The following CHL1 variants were observed in gnomAD, a reference collection of about 807,000 sequenced individuals.
CHL1 encodes neural cell adhesion molecule L1-like protein.
A neutral mutation model predicts 141.9 loss-of-function variants in CHL1; 96 were observed. That is an observed-to-expected ratio of 0.68 (90% CI 0.57 to 0.80). The LOEUF is 0.80. CHL1 is among the 30% of genes least tolerant of loss of function. The pLI, the probability that CHL1 is intolerant of heterozygous loss-of-function variation, is 0.00. For missense variants in CHL1, 1,820 were observed against 1,457.2 expected (o/e 1.25, Z -4.05); for synonymous variants, 613 against 502.2 (o/e 1.22, Z -2.95).
At chr3:362,456 T>C (rs1363703583) in intron 13 of CHL1, among the ~76,000 whole-genome samples, 2 of 152,148 alleles carry the variant, frequency 1.3e-5, no homozygotes, top group Admixed American at 6.6e-5. Context: ...CGTGGGTTTT[T>C]TGCATTATTG....
At chr3:242,386 G>T (rs1234510886) in intron 1 of CHL1, among the ~76,000 whole-genome samples, 2 of 142,404 alleles carry the variant, frequency 1.4e-5, no homozygotes, top group Non-Finnish European at 3.1e-5. Context: ...CACGAGGTCA[G>T]GAGATCGAGA....
intron 1 of CHL1, among the ~76,000 whole-genome samples, chr3:239,963 A>G (rs1692396788): frequency 1.3e-5 from 2 of 152,054 alleles, no homozygotes; most frequent in African/African-American, 4.8e-5. Context: ...CATCATATAT[A>G]TTTACCACAA....
At chr3:394,600 C>T (rs772377194) in intron 23 of CHL1, 93 bp from the exon 24 acceptor site, 31 of 877,600 alleles carry the variant, frequency 3.5e-5, no homozygotes, top group Middle Eastern at 3.5e-4. Context: ...TGTATCTTTA[C>T]GTACCACAAG....
intron 15 of CHL1, among the ~76,000 whole-genome samples, chr3:366,411 T>C (rs183251369): frequency 0.023 from 3,424 of 150,612 alleles, 61 homozygotes; most frequent in South Asian, 0.032. Flanking sequence ...GCGGAGGTTG[T>C]GGTGAGCTGA....
intron 2 of CHL1, chr3:247,687 C>G (rs1332416862): frequency 1.3e-5 from 2 of 152,066 alleles, no homozygotes; most frequent in Non-Finnish European, 2.9e-5. Flanking sequence ...ACTGATGCGT[C>G]TTAATGTTGC....
At chr3:214,640 C>T (rs1011986663) in intron 1 of CHL1, among the ~76,000 whole-genome samples, 1 of 151,640 alleles carries the variant, frequency 6.6e-6, no homozygotes, top group African/African-American at 2.4e-5. Flanking sequence ...ACATGAATAC[C>T]CTTGGTATTA....
At chr3:346,882 C>T (rs1442579955) in intron 9 of CHL1, among the ~76,000 whole-genome samples, 3 of 152,030 alleles carry the variant, frequency 2.0e-5, no homozygotes, top group Non-Finnish European at 4.4e-5. Context: ...GTGTCAAGCA[C>T]TATATTTGGG....
At chr3:244,508 AG>A in intron 1 of CHL1, 104 bp from the exon 2 acceptor site, 1 of 151,842 alleles carries the variant, frequency 6.6e-6, no homozygotes. Flanking sequence ...GTGGGGAGAA[AG>A]AAAAATTAAA....
intron 2 of CHL1, among the ~76,000 whole-genome samples, chr3:254,084 A>G (rs746441764): frequency 1.3e-5 from 2 of 152,204 alleles, no homozygotes; most frequent in Non-Finnish European, 2.9e-5. Context: ...CTGCTTCCCC[A>G]GCTGCTGGGA....
chr3:391,933 G>T, intron 23 of CHL1, 136 bp downstream of exon 23: 2 of 674,528 alleles, frequency 3.0e-6, no homozygotes, highest in South Asian at 5.3e-5. Context: ...GTAGCCCAGG[G>T]GTCTGTAAAC....
intron 1 of CHL1, among the ~76,000 whole-genome samples, chr3:204,671 A>C (rs1363813513): frequency 6.6e-6 from 1 of 152,202 alleles, no homozygotes; most frequent in Non-Finnish European, 1.5e-5. Flanking sequence ...CATATTGGTT[A>C]TGTTCAAAAG....
intron 24 of CHL1, among the ~76,000 whole-genome samples, chr3:396,948 G>T (rs1240114626): frequency 6.6e-6 from 1 of 152,118 alleles, no homozygotes; most frequent in African/African-American, 2.4e-5. Flanking sequence ...CTACTGCTAT[G>T]CATCTTTCTT....
chr3:306,123 T>A (rs542607870), intron 2 of CHL1, among the ~76,000 whole-genome samples: 2 of 152,206 alleles, frequency 1.3e-5, no homozygotes, highest in South Asian at 4.2e-4. Context: ...ATATGAAGGG[T>A]TTAGGGATCT....
At chr3:204,253 C>T (rs111711823) in intron 1 of CHL1, among the ~76,000 whole-genome samples, 9 of 152,198 alleles carry the variant, frequency 5.9e-5, no homozygotes, top group Non-Finnish European at 1.2e-4. Context: ...TCCTCCCTAA[C>T]AAAAGCTTTT....
At chr3:322,650 A>ATATATATATATATATATATATAATTT (rs1700675787) in intron 3 of CHL1, among the ~76,000 whole-genome samples, 1 of 72,732 alleles carries the variant, frequency 1.4e-5, no homozygotes, top group African/African-American at 8.8e-5. Context: ...TATAAAATAT[A>ATATATATATATATATATATATAATTT]TATATATATA....
At chr3:242,693 CACACAGAGAG>C (rs1472114666) in intron 1 of CHL1, among the ~76,000 whole-genome samples, 1 of 144,754 alleles carries the variant, frequency 6.9e-6, no homozygotes, top group Non-Finnish European at 1.6e-5. Context: ...CACACACACA[CACACAGAGAG>C]AGAGAGAGAT....
intron 1 of CHL1, among the ~76,000 whole-genome samples, chr3:220,525 T>TA (rs80199631): frequency 0.016 from 2,354 of 151,274 alleles, 33 homozygotes; most frequent in Admixed American, 0.023. Context: ...GTTTTTTTTT[T>TA]AAAAAAAGGT....
chr3:383,497 T>C (rs1707308079), intron 18 of CHL1, among the ~76,000 whole-genome samples: 1 of 152,102 alleles, frequency 6.6e-6, no homozygotes, highest in African/African-American at 2.4e-5. Flanking sequence ...AAAATTTTTT[T>C]TTAAAAAAGC....
intron 2 of CHL1, among the ~76,000 whole-genome samples, chr3:284,350 A>G (rs1276570869): frequency 2.6e-5 from 4 of 152,178 alleles, no homozygotes; most frequent in South Asian, 2.1e-4. Flanking sequence ...CTTATAGCAT[A>G]TGAGGTTTAT....
Sources: allele counts gnomAD v4.1 joint callset (sites outside exome capture counted in the v4.1 genomes callset), GRCh38; gene constraint gnomAD v4.1.1; transcripts MANE v1.5; gene names NCBI Gene and HGNC (gene_info 2026-07-23, HGNC 2026-07-21).